The following PCDHGB3 variants were observed in gnomAD, a reference collection of about 807,000 sequenced individuals.
PCDHGB3 encodes the protein protocadherin gamma subfamily B, 3, also known as protocadherin gamma-B3.
In PCDHGB3, 40 loss-of-function variants were observed where a neutral mutation model predicts 59.2. That is an observed-to-expected ratio of 0.68 (90% confidence interval 0.52 to 0.88). The LOEUF (loss-of-function observed/expected upper bound fraction) is 0.88, where lower values mean the gene tolerates loss of function less well. Ranked by LOEUF, PCDHGB3 falls within the 40% of genes least tolerant of loss-of-function variation. The pLI, the probability that PCDHGB3 is intolerant of heterozygous loss-of-function variation, is 0.00. For synonymous variants in PCDHGB3, 581 were observed against 503.6 expected (o/e 1.15, Z -2.06); for missense variants, 1,309 against 1,187.9 (o/e 1.10, Z -1.50).
chr5:141,492,499 C>T (rs2099741220), intron 1 of PCDHGB3, among the ~76,000 whole-genome samples: 1 of 152,198 alleles, frequency 6.6e-6, no homozygotes. Context: ...GGCGAGGACT[C>T]CGGAGCCTCC....
intron 3 of PCDHGB3, among the ~76,000 whole-genome samples, chr5:141,509,040 C>T (rs1217864661): frequency 6.6e-6 from 1 of 152,132 alleles, no homozygotes; most frequent in African/African-American, 2.4e-5. Context: ...CAACCCCTCT[C>T]CCCCGCCCCC....
Position 141,453,588 on chromosome 5 carries a change from CTG to C in PCDHGB3, c.2416-41215_2416-41214del, listed in dbSNP as rs572244169. ...TTCATTAGTTTGTGGTTTATCCTCA[CTG>C]TGTTTCTTTTTGCAAAACGCAAAAA... On this transcript the variant is annotated intron_variant, in intron 1 of 3. Coordinates refer to ENST00000576222, the MANE Select transcript of PCDHGB3 (RefSeq NM_018924.5). Among the ~76,000 whole-genome samples the C allele has an allele frequency of 5.9e-5, 9 of 152,296 alleles. No individual in the cohort carries two copies. In the South Asian group the frequency reaches 1.5e-3, roughly 25 times the overall value.
At chr5:141,376,271 G>A (rs761909915) in intron 1 of PCDHGB3, 2 of 1,614,104 alleles carry the variant, frequency 1.2e-6, no homozygotes, top group African/African-American at 2.7e-5. Flanking sequence ...GGCTTCGGGA[G>A]GTGGCTTAGC....
chr5:141,434,010 T>C (rs772136259), intron 1 of PCDHGB3, among the ~76,000 whole-genome samples: 26 of 152,224 alleles, frequency 1.7e-4, no homozygotes, highest in Non-Finnish European at 3.1e-4. Flanking sequence ...TATATGTTTG[T>C]TTCTATGATT....
intron 1 of PCDHGB3, chr5:141,394,006 T>C (rs753433160): frequency 3.1e-6 from 5 of 1,613,358 alleles, no homozygotes; most frequent in Non-Finnish European, 3.4e-6. Context: ...GAAAAGTCAA[T>C]AGGTAATTAT....
Position 141,431,141 on chromosome 5 carries a change from G to T in PCDHGB3, c.2415+58332G>T. 1.2e-6 allele frequency: 2 copies of T among 1,614,212 alleles called. No homozygotes were observed. Among genetic ancestry groups the T allele is most frequent in the South Asian group, 1.1e-5 (1 of 91,084 alleles). On this transcript the variant is annotated intron_variant, in intron 1 of 3. Coordinates refer to ENST00000576222, the MANE Select transcript of PCDHGB3 (RefSeq NM_018924.5). This position sits in a 1 kb window ranked among gnomAD's most constrained non-coding sequence, Gnocchi z 4.8. ...AGAAGTAGAAGTAAGGGACATTAACGACAATGCGCCTTACTTTCGTGAAAG... is the reference window on the plus strand; with the variant it reads ...AGAAGTAGAAGTAAGGGACATTAACTACAATGCGCCTTACTTTCGTGAAAG...
intron 1 of PCDHGB3, chr5:141,374,178 G>T: frequency 1.9e-6 from 3 of 1,613,614 alleles, no homozygotes; most frequent in Non-Finnish European, 2.5e-6. Flanking sequence ...GCGCAGATCC[G>T]CTACTCTATT....
intron 1 of PCDHGB3, chr5:141,383,265 A>AAT: frequency 6.2e-7 from 1 of 1,613,948 alleles, no homozygotes; most frequent in African/African-American, 1.3e-5. Flanking sequence ...TAGACGTGGA[A>AAT]ATAATAGATA....
In PCDHGB3 at chr5:141,422,632, G is replaced by T. The variant is rs199543811; in HGVS notation, c.2415+49823G>T. ...CTACATTCCCGAAAACAACCCCAGGGGTGCCTCCATCTTCTCAGTGACCGC... is the reference window on the plus strand; with the variant it reads ...CTACATTCCCGAAAACAACCCCAGGTGTGCCTCCATCTTCTCAGTGACCGC... On this transcript the variant is annotated intron_variant, in intron 1 of 3. Coordinates refer to ENST00000576222, the MANE Select transcript of PCDHGB3 (RefSeq NM_018924.5). 4,245 of 1,613,132 alleles carry T rather than the reference G, an allele frequency of 2.6e-3. 5 individuals carry two copies. The highest frequency in any genetic ancestry group is 3.2e-3 in the Admixed American group (193 of 59,948).
chr5:141,405,195 C>T, intron 1 of PCDHGB3: 1 of 1,613,786 alleles, frequency 6.2e-7, no homozygotes. Context: ...GGGGTTCGAG[C>T]TTTCCTACAG....
In PCDHGB3 at chr5:141,489,637, T is replaced by G. The variant is rs1230531256; in HGVS notation, c.2416-5170T>G. The G allele has an allele frequency of 6.2e-6, 10 of 1,614,032 alleles. No homozygotes were observed. The highest frequency in any genetic ancestry group is 2.7e-5 in the African/African-American group (2 of 74,914). On this transcript the variant is annotated intron_variant, in intron 1 of 3. Transcript: ENST00000576222. The surrounding 1 kb of genome is among the most constrained non-coding windows in gnomAD (Gnocchi z 4.5). The stretch of plus-strand genomic sequence containing the variant: ...GGATCTCAATGACAACTCTCCTAGC[T>G]TTGCCACCCCTGAGCGAGAGATGCG...
At chr5:141,429,240 TGA>T (rs998506084) in intron 1 of PCDHGB3, 1 of 151,858 alleles carries the variant, frequency 6.6e-6, no homozygotes, top group Non-Finnish European at 1.5e-5. Context: ...CTGCTGTCAT[TGA>T]GATATTTTAA....
intron 3 of PCDHGB3, among the ~76,000 whole-genome samples, chr5:141,506,435 G>C (rs1470687416): frequency 7.9e-6 from 1 of 126,278 alleles, no homozygotes; most frequent in East Asian, 2.1e-4. Flanking sequence ...CAACAGTCTC[G>C]CTCTGTCTCA....
At chr5:141,461,082 T>C (rs2099008648) in intron 1 of PCDHGB3, among the ~76,000 whole-genome samples, 1 of 152,070 alleles carries the variant, frequency 6.6e-6, no homozygotes, top group South Asian at 2.1e-4. Flanking sequence ...AATTGTGAAT[T>C]GTGCTGCTAT....
rs549557253 is a variant in PCDHGB3 at position 141,503,310 on chromosome 5, T to C, written c.2475-2083T>C. 2.6e-5 allele frequency among the ~76,000 whole-genome samples: 4 copies of C among 152,176 alleles called. No homozygotes were observed. The East Asian group carries it at 7.7e-4, about 29-fold the overall frequency. On this transcript the variant is annotated intron_variant, in intron 2 of 3. Coordinates refer to ENST00000576222, the MANE Select transcript of PCDHGB3 (RefSeq NM_018924.5). ...TACATAGAAATTGCTCAAGAAAGAA[T>C]TGTTGGAGGGGCGCGGTGGCTCACG...
chr5:141,480,827 A>G (rs1455065731), intron 1 of PCDHGB3, among the ~76,000 whole-genome samples: 2 of 152,212 alleles, frequency 1.3e-5, no homozygotes, highest in Admixed American at 6.5e-5. Context: ...TGGGTGGATC[A>G]TAAGATCAGG....
chr5:141,373,678 A>G (rs4151698), intron 1 of PCDHGB3, among the ~76,000 whole-genome samples: 17,665 of 152,222 alleles, frequency 0.12, 1,184 homozygotes, highest in African/African-American at 0.18. Flanking sequence ...TGAATGGTAA[A>G]CTTCAGAGAA....
At chr5:141,383,625 C>T (rs754758092) in intron 1 of PCDHGB3, 32 of 1,613,930 alleles carry the variant, frequency 2.0e-5, no homozygotes, top group Non-Finnish European at 2.7e-5. Context: ...CGCCTGTCTT[C>T]TCTCTGCCTC....
chr5:141,446,920 C>T (rs2098520337), intron 1 of PCDHGB3, among the ~76,000 whole-genome samples: 1 of 152,108 alleles, frequency 6.6e-6, no homozygotes, highest in African/African-American at 2.4e-5. Flanking sequence ...TATTTATCTT[C>T]CTGATCTCTT....
Sources: gnomAD v4.1 joint callset for allele counts (sites outside exome capture counted in the v4.1 genomes callset) on GRCh38, gnomAD v4.1.1 for gene constraint, Gnocchi (gnomAD v3.1) non-coding constraint, MANE v1.5 for transcripts, NCBI Gene and HGNC (gene_info 2026-07-23, HGNC 2026-07-21) for gene names.